UBR4: variants seen among roughly 807,000 people sequenced by gnomAD.
The protein encoded by UBR4 is E3 ubiquitin-protein ligase UBR4.
A neutral mutation model predicts 575.6 loss-of-function variants in UBR4; 124 were observed. The observed-to-expected ratio is 0.22, with a 90% confidence interval of 0.19 to 0.25. The LOEUF is 0.25. Ranked by LOEUF, UBR4 falls within the 10% of genes least tolerant of loss-of-function variation. UBR4 has a pLI of 1.00. For synonymous variants in UBR4, 2,455 were observed against 2,473.7 expected, an observed-to-expected ratio of 0.99 and a Z score of 0.22; for missense variants, 4,818 against 6,478.8, an observed-to-expected ratio of 0.74 and a Z score of 8.80.
At position 19,194,930 on chromosome 1, in the gene UBR4, T is replaced by C. The variant is rs372190861; in HGVS notation, c.1019-1373A>G. On this transcript the variant is annotated intron_variant, in intron 8 of 105. Transcript: ENST00000375254. Reference sequence around the variant, plus strand: ...CAGTTCAAATCTAGCCTGGGCAACATAGCAAGACTGTATTTCTTAAATAAA... The same window carrying C: ...CAGTTCAAATCTAGCCTGGGCAACACAGCAAGACTGTATTTCTTAAATAAA... 6.3e-4 allele frequency among the ~76,000 whole-genome samples: 95 copies of C among 151,586 alleles called. 2 individuals carry two copies. The South Asian group carries it at 0.014, about 22-fold the overall frequency.
chr1:19,165,410 T>C, intron 30 of UBR4, 61 bp from the exon 31 acceptor site: 1 of 1,417,484 alleles, frequency 7.1e-7, no homozygotes. Flanking sequence ...ATAAAAAGCA[T>C]CCTTTCTTCA....
intron 65 of UBR4, among the ~76,000 whole-genome samples, chr1:19,123,285 C>T (rs1011846687): frequency 2.0e-5 from 3 of 152,026 alleles, no homozygotes; most frequent in Non-Finnish European, 4.4e-5. Flanking sequence ...AACCCCATCT[C>T]TACCAACAAT....
At position 19,086,154 on chromosome 1, in the gene UBR4, C is replaced by G. The variant is rs200556821; in HGVS notation, c.14804G>C (p.Cys4935Ser). 1 of 1,613,930 alleles carries G rather than the reference C, an allele frequency of 6.2e-7. No individual in the cohort carries two copies. Among genetic ancestry groups the G allele is most frequent in the Non-Finnish European group, 8.5e-7 (1 of 1,179,978 alleles). Residue 4935 changes from cysteine to serine, a missense_variant, in exon 101 of 106, where the codon TGC becomes TCC. Physicochemically the swap from Cys to Ser is moderately radical, Grantham distance 112. Transcript: ENST00000375254. ...PHVPESAFAT[C>S]LARHNTYLQE... ...AATACTCAACACTCACCTTGCCAAGCAAGTGGCAAAAGCTGATTCAGGGAC... is the reference window on the plus strand; with the variant it reads ...AATACTCAACACTCACCTTGCCAAGGAAGTGGCAAAAGCTGATTCAGGGAC...
At chr1:19,154,167 G>A (rs1280788667) in intron 44 of UBR4, among the ~76,000 whole-genome samples, 1 of 152,154 alleles carries the variant, frequency 6.6e-6, no homozygotes, top group Non-Finnish European at 1.5e-5. Flanking sequence ...TCCACTGTGA[G>A]GTTCCATGTC....
rs41273193 is a variant in UBR4 at position 19,100,301 on chromosome 1, A to C, written c.13221+75T>G. 66 of 1,534,460 alleles carry C rather than the reference A, an allele frequency of 4.3e-5. No individual in the cohort carries two copies. Among genetic ancestry groups the C allele is most frequent in the Non-Finnish European group, 5.3e-5 (59 of 1,114,800 alleles). ...CCCAAGTTAATCAGCTACTAGGAAGAAGCACCTGGATTTGGTTAGCCTAGG... is the reference window on the plus strand; with the variant it reads ...CCCAAGTTAATCAGCTACTAGGAAGCAGCACCTGGATTTGGTTAGCCTAGG... On this transcript the variant is annotated intron_variant, in intron 89 of 105. Coordinates refer to ENST00000375254, the MANE Select transcript of UBR4 (RefSeq NM_020765.3). The surrounding 1 kb of genome is among the most constrained non-coding windows in gnomAD (Gnocchi z 4.2).
At chr1:19,087,614 G>C (rs946158094) in intron 99 of UBR4, among the ~76,000 whole-genome samples, 16 of 152,354 alleles carry the variant, frequency 1.1e-4, no homozygotes, top group African/African-American at 3.8e-4. Flanking sequence ...TCATGATGAT[G>C]ATAAAGATAA....
intron 33 of UBR4, 24 bp downstream of exon 33, chr1:19,164,229 A>G: frequency 6.2e-7 from 1 of 1,602,896 alleles, no homozygotes; most frequent in Non-Finnish European, 8.5e-7. Context: ...GTTGTAACCT[A>G]CAGATACAAC....
intron 104 of UBR4, among the ~76,000 whole-genome samples, chr1:19,077,147 G>A (rs1366216988): frequency 1.3e-5 from 2 of 152,184 alleles, no homozygotes; most frequent in Non-Finnish European, 2.9e-5. Flanking sequence ...ACAAGTGGCT[G>A]CATTCCCTCC....
intron 17 of UBR4, among the ~76,000 whole-genome samples, chr1:19,179,442 T>G (rs886671539): frequency 2.0e-5 from 3 of 152,146 alleles, no homozygotes; most frequent in Non-Finnish European, 2.9e-5. Flanking sequence ...CTCATTAACA[T>G]TTATAGTTAA....
chr1:19,209,167 T>A (rs539456224), intron 1 of UBR4, among the ~76,000 whole-genome samples: 2 of 152,342 alleles, frequency 1.3e-5, no homozygotes, highest in Admixed American at 1.3e-4. Flanking sequence ...GATATACCCT[T>A]GTCATCGTGA....
chr1:19,127,109 G>C (rs568295292), intron 63 of UBR4, among the ~76,000 whole-genome samples: 3 of 152,172 alleles, frequency 2.0e-5, no homozygotes, highest in African/African-American at 7.2e-5. Context: ...TTGGGGGTGA[G>C]TGATCACATG....
At chr1:19,180,541 CAAAAA>C (rs11409299) in intron 17 of UBR4, among the ~76,000 whole-genome samples, 1 of 108,768 alleles carries the variant, frequency 9.2e-6, no homozygotes, top group East Asian at 2.3e-4. Context: ...TGAAACAATT[CAAAAA>C]AAAAAAAAAA....
chr1:19,110,438 C>T lies in UBR4; in HGVS notation c.11919G>A (p.Leu3973=), dbSNP rs781747337. 2 of 1,614,176 alleles carry T rather than the reference C, an allele frequency of 1.2e-6. No homozygotes were observed. The highest frequency in any genetic ancestry group is 2.2e-5 in the South Asian group (2 of 91,086). ...CCTTGGAGATAGAATCCGTCAGCAG[C>T]AGCATTTCATACTGCAGGCTACTTG... ...DLASSLQYEM[L]LLTDSISKED... The change falls in exon 80 of 106, where the codon CTG becomes CTA. Residue 3973 remains leucine (L), a synonymous_variant. Coordinates refer to ENST00000375254, the MANE Select transcript of UBR4 (RefSeq NM_020765.3). This position sits in a 1 kb window ranked among gnomAD's most constrained non-coding sequence, Gnocchi z 4.5.
intron 49 of UBR4, among the ~76,000 whole-genome samples, chr1:19,149,443 A>T (rs894060251): frequency 2.0e-5 from 3 of 152,208 alleles, no homozygotes; most frequent in African/African-American, 7.2e-5. Context: ...CTAGTGGGTT[A>T]TCAGATGGTA....
At chr1:19,091,747 C>T (rs891266951) in intron 97 of UBR4, among the ~76,000 whole-genome samples, 1 of 152,214 alleles carries the variant, frequency 6.6e-6, no homozygotes, top group Non-Finnish European at 1.5e-5. Context: ...CTCTAGAGAA[C>T]AGTTTGGCAG....
Position 19,117,830 on chromosome 1 carries a change from G to A in UBR4, c.10622C>T (p.Pro3541Leu), listed in dbSNP as rs773574273. Residue 3541 changes from proline (P) to leucine (L), a missense_variant, in exon 72 of 106, where the codon CCG becomes CTG. Pro to Leu is a moderately conservative substitution (Grantham distance 98). Around this residue, in one of 29 missense-constraint regions of UBR4, gnomAD observed 550 missense variants for 791.5 expected, o/e 0.69. Transcript: ENST00000375254. The surrounding 1 kb of genome is among the most constrained non-coding windows in gnomAD (Gnocchi z 4.0). ...PCLVCNNPEV[P>L]FCYIKLSSIK... ...TGTACAGATGTTACTTACACAGAAC[G>A]GTACTTCCGGGTTATTACACACCAG... is the stretch of plus-strand genomic sequence containing the variant. 6 of 1,614,090 alleles carry A rather than the reference G, an allele frequency of 3.7e-6. No homozygotes were observed. The highest frequency in any genetic ancestry group is 1.6e-4 in the Middle Eastern group (1 of 6,062).
chr1:19,183,851 T>C lies in UBR4; in HGVS notation c.2144A>G (p.His715Arg), dbSNP rs772119760. 6.2e-7 allele frequency: 1 copy of C among 1,614,070 alleles called. No homozygotes were observed. Among genetic ancestry groups the C allele is most frequent in the Non-Finnish European group, 8.5e-7 (1 of 1,180,012 alleles). ...EFAAALYHFN[H>R]SLVTSDLQSP... ...CTGAAGGTCAGAGGTTACCAGTGAG[T>C]GGTTGAAGTGATAGAGAGCTGCAGC... The change falls in exon 17 of 106, where the codon CAC becomes CGC. Residue 715 changes from histidine (H) to arginine (R), a missense_variant. Transcript: ENST00000375254.
At chr1:19,149,364 G>A (rs2085326292) in intron 49 of UBR4, among the ~76,000 whole-genome samples, 1 of 152,200 alleles carries the variant, frequency 6.6e-6, no homozygotes, top group Non-Finnish European at 1.5e-5. Context: ...TTAAGGGGTA[G>A]AGGAAGGCAA....
chr1:19,168,708 T>A (rs113986242), intron 27 of UBR4, among the ~76,000 whole-genome samples: 1 of 152,174 alleles, frequency 6.6e-6, no homozygotes, highest in African/African-American at 2.4e-5. Context: ...CTGGGCATGG[T>A]GGCTCACGCC....
Sources: allele counts gnomAD v4.1 joint callset (sites outside exome capture counted in the v4.1 genomes callset), GRCh38; gene constraint gnomAD v4.1.1; regional missense constraint gnomAD v4.1.1; non-coding constraint Gnocchi (gnomAD v3.1); transcripts MANE v1.5; gene names NCBI Gene and HGNC (gene_info 2026-07-23, HGNC 2026-07-21).